Variants in SERGEF observed in about 807,000 individuals in gnomAD.
SERGEF encodes the protein secretion regulating guanine nucleotide exchange factor, also known as secretion-regulating guanine nucleotide exchange factor.
Under a neutral mutation model 50.0 loss-of-function variants are expected in SERGEF, and 51 were observed. That is an observed-to-expected ratio of 1.02 (90% CI 0.81 to 1.29). The LOEUF is 1.29. Ranked by LOEUF, SERGEF falls within the 50% of genes most tolerant of loss-of-function variation. The pLI is 0.00. For missense variants in SERGEF, 521 were observed against 557.0 expected, an observed-to-expected ratio of 0.94 and a Z score of 0.65; for synonymous variants, 205 against 212.4, an observed-to-expected ratio of 0.97 and a Z score of 0.30.
At chr11:17,920,577 G>T (rs964386746) in intron 9 of SERGEF, among the ~76,000 whole-genome samples, 4 of 152,220 alleles carry the variant, frequency 2.6e-5, no homozygotes, top group African/African-American at 9.6e-5. Context: ...TAACACAGTT[G>T]TCAATCAGTG....
At chr11:17,904,103 G>C (rs544859470) in intron 9 of SERGEF, among the ~76,000 whole-genome samples, 1 of 152,326 alleles carries the variant, frequency 6.6e-6, no homozygotes, top group South Asian at 2.1e-4. Context: ...TAGCAAAGCC[G>C]AGGGAAGAGG....
At chr11:17,950,138 G>A (rs1045668191) in intron 9 of SERGEF, among the ~76,000 whole-genome samples, 2 of 152,202 alleles carry the variant, frequency 1.3e-5, no homozygotes, top group African/African-American at 4.8e-5. Flanking sequence ...AGGATAGGAA[G>A]CCGTCAGAAA....
intron 8 of SERGEF, among the ~76,000 whole-genome samples, chr11:17,963,181 CAAAAAAAAAAAAAA>C (rs1164488575): frequency 1.2e-4 from 2 of 16,492 alleles, no homozygotes; most frequent in African/African-American, 4.6e-4. Flanking sequence ...GACTCTGTTT[CAAAAAAAAAAAAAA>C]AAAAAAAAAA....
chr11:17,810,886 C>T (rs2189593), intron 10 of SERGEF, among the ~76,000 whole-genome samples: 24,673 of 151,922 alleles, frequency 0.16, 2,376 homozygotes, highest in South Asian at 0.3. Flanking sequence ...GCCTAGCCAC[C>T]GGACTGGGGG....
chr11:17,832,160 A>G (rs1850320015), intron 10 of SERGEF, among the ~76,000 whole-genome samples: 2 of 152,182 alleles, frequency 1.3e-5, no homozygotes, highest in South Asian at 4.2e-4. Flanking sequence ...TCCCCATCCA[A>G]CTCTCATCTT....
chr11:17,971,502 C>A (rs199797398), intron 8 of SERGEF, among the ~76,000 whole-genome samples: 1 of 152,282 alleles, frequency 6.6e-6, no homozygotes, highest in South Asian at 2.1e-4. Flanking sequence ...AGAAATGGAA[C>A]AACAGAGCCT....
chr11:17,871,499 G>A (rs1476335623), intron 10 of SERGEF, among the ~76,000 whole-genome samples: 1 of 150,846 alleles, frequency 6.6e-6, no homozygotes, highest in African/African-American at 2.4e-5. Context: ...CCACTGGCTG[G>A]GAGAAGATGT....
intron 8 of SERGEF, among the ~76,000 whole-genome samples, chr11:17,983,580 G>A (rs1033445294): frequency 9.2e-5 from 14 of 152,134 alleles, no homozygotes; most frequent in African/African-American, 3.1e-4. Flanking sequence ...AAGGAAATAA[G>A]TTCAAAGAAG....
chr11:17,847,321 A>T (rs1290480185), intron 10 of SERGEF, among the ~76,000 whole-genome samples: 5 of 152,154 alleles, frequency 3.3e-5, no homozygotes, highest in Non-Finnish European at 5.9e-5. Context: ...GCAGGGCTGT[A>T]CGTGACCCTG....
At chr11:17,896,611 AGGGGAAGGGAAGGGGAAG>A (rs1851632112) in intron 9 of SERGEF, among the ~76,000 whole-genome samples, 1 of 11,996 alleles carries the variant, frequency 8.3e-5, no homozygotes, top group African/African-American at 3.3e-4. Context: ...GGGGAAGGGA[AGGGGAAGGGAAGGGGAAG>A]GGGAAGGGAA....
At chr11:17,902,553 C>T (rs1851767065) in intron 9 of SERGEF, among the ~76,000 whole-genome samples, 1 of 152,106 alleles carries the variant, frequency 6.6e-6, no homozygotes, top group South Asian at 2.1e-4. Context: ...ACTAGAAGAA[C>T]AGAAGAACAC....
chr11:17,961,034 T>G (rs1196498017), intron 8 of SERGEF, among the ~76,000 whole-genome samples: 1 of 152,180 alleles, frequency 6.6e-6, no homozygotes, highest in Non-Finnish European at 1.5e-5. Context: ...CTATGAAACC[T>G]TTCTTGACTC....
chr11:17,944,329 A>G (rs1485328604), intron 9 of SERGEF, among the ~76,000 whole-genome samples: 1 of 152,224 alleles, frequency 6.6e-6, no homozygotes, highest in Non-Finnish European at 1.5e-5. Flanking sequence ...CACTGTCTAC[A>G]TAACAATTCA....
intron 8 of SERGEF, among the ~76,000 whole-genome samples, chr11:17,973,990 G>T (rs1853311186): frequency 6.6e-6 from 1 of 152,194 alleles, no homozygotes; most frequent in African/African-American, 2.4e-5. Context: ...TCCAAAGTAG[G>T]GGGTTGGGAG....
chr11:17,878,969 C>A (rs1484554219), intron 9 of SERGEF, among the ~76,000 whole-genome samples: 4 of 152,220 alleles, frequency 2.6e-5, no homozygotes, highest in Non-Finnish European at 5.9e-5. Context: ...CCCACCGTAG[C>A]AACCATCTTG....
intron 10 of SERGEF, among the ~76,000 whole-genome samples, chr11:17,866,321 T>C (rs1027607403): frequency 1.5e-4 from 23 of 152,210 alleles, no homozygotes; most frequent in African/African-American, 5.5e-4. Flanking sequence ...AGATAACTGA[T>C]CAGCCATTGT....
At chr11:17,997,980 T>C (rs749250199) in intron 5 of SERGEF, among the ~76,000 whole-genome samples, 18 of 152,138 alleles carry the variant, frequency 1.2e-4, no homozygotes, top group Non-Finnish European at 7.4e-5. Flanking sequence ...ATGATATGAA[T>C]GTACTTATAC....
intron 10 of SERGEF, among the ~76,000 whole-genome samples, chr11:17,860,869 G>T (rs1367347850): frequency 6.6e-6 from 1 of 152,220 alleles, no homozygotes; most frequent in Admixed American, 6.5e-5. Flanking sequence ...GTGAGACAGT[G>T]TAAGAGTTGA....
chr11:17,957,760 T>C (rs1161909912), intron 9 of SERGEF, among the ~76,000 whole-genome samples: 1 of 147,452 alleles, frequency 6.8e-6, no homozygotes, highest in South Asian at 2.1e-4. Flanking sequence ...AAAAGGATGA[T>C]CTAAATGTCT....
Sources: gnomAD v4.1 joint callset for allele counts (sites outside exome capture counted in the v4.1 genomes callset) on GRCh38, gnomAD v4.1.1 for gene constraint, MANE v1.5 for transcripts, NCBI Gene and HGNC (gene_info 2026-07-23, HGNC 2026-07-21) for gene names.